SLC9A7: variants seen among roughly 807,000 people sequenced by gnomAD.
SLC9A7 encodes the protein sodium/hydrogen exchanger 7.
In SLC9A7, 19 loss-of-function variants were observed where a neutral mutation model predicts 52.6. The ratio of observed to expected loss-of-function variants is 0.36; its 90% CI spans 0.25 to 0.53. The LOEUF is 0.53. SLC9A7 is among the 20% of genes least tolerant of loss of function. SLC9A7 has a pLI of 0.91. For synonymous variants in SLC9A7, 226 were observed against 252.1 expected (o/e 0.90, Z 0.98); for missense variants, 455 against 597.9 (o/e 0.76, Z 2.49).
intron 1 of SLC9A7, among the ~76,000 whole-genome samples, chrX:46,704,307 G>C (rs1157677875): frequency 1.8e-5 from 2 of 112,341 alleles, no homozygotes; most frequent in African/African-American, 3.2e-5. Context: ...GATGTTTGCT[G>C]AAAGAATGAA....
At chrX:46,677,439 T>A (rs1458042042) in intron 3 of SLC9A7, among the ~76,000 whole-genome samples, 3 of 112,283 alleles carry the variant, frequency 2.7e-5, no homozygotes, top group Non-Finnish European at 5.6e-5. Context: ...CTTAGGATCA[T>A]AAATCAATCA....
Position 46,758,661 on chromosome X carries a change from G to T in SLC9A7, c.325+44C>A, listed in dbSNP as rs369908917. On this transcript the variant is annotated intron_variant, in intron 1 of 16. Transcript: ENST00000616978. The stretch of plus-strand genomic sequence containing the variant: ...CGCGCGGCGCCAGGAGGAGCGCGGC[G>T]GCCGAGGGGTGTGGAGGGCGGGGGG... The T allele has an allele frequency of 6.1e-4, 573 of 939,822 alleles. 4 individuals carry two copies. In the African/African-American group the frequency reaches 0.011, roughly 18 times the overall value. 77.5% of individuals were successfully genotyped at this position (939,822 alleles called of 1,213,427 possible).
At chrX:46,612,322 C>T (rs1031135384) in intron 16 of SLC9A7, among the ~76,000 whole-genome samples, 4 of 111,610 alleles carry the variant, frequency 3.6e-5, no homozygotes, top group African/African-American at 1.3e-4. Context: ...TCTGACCTCT[C>T]CTCTACTCCT....
chrX:46,726,027 T>C (rs1944939915), intron 1 of SLC9A7, among the ~76,000 whole-genome samples: 1 of 111,337 alleles, frequency 9.0e-6, no homozygotes, highest in Non-Finnish European at 1.9e-5. Flanking sequence ...GTGCCTCAAT[T>C]TTCTCATCAG....
At chrX:46,626,277 C>T (rs1421556661) in intron 14 of SLC9A7, among the ~76,000 whole-genome samples, 1 of 112,160 alleles carries the variant, frequency 8.9e-6, no homozygotes, top group Non-Finnish European at 1.9e-5. Flanking sequence ...GCCTGATATG[C>T]TTTTTTTCTT....
chrX:46,744,365 G>A (rs1331891223), intron 1 of SLC9A7, among the ~76,000 whole-genome samples: 1 of 112,560 alleles, frequency 8.9e-6, no homozygotes, highest in East Asian at 2.8e-4. Context: ...CTGGAACAAT[G>A]AAAGGAACAA....
chrX:46,651,645 T>C (rs1305409344), intron 8 of SLC9A7, among the ~76,000 whole-genome samples: 2 of 109,131 alleles, frequency 1.8e-5, no homozygotes, highest in African/African-American at 6.7e-5. Context: ...CTGGGAAACA[T>C]GGTAAAACCC....
intron 1 of SLC9A7, among the ~76,000 whole-genome samples, chrX:46,733,337 T>C (rs1327260063): frequency 8.9e-6 from 1 of 112,026 alleles, no homozygotes; most frequent in Non-Finnish European, 1.9e-5. Flanking sequence ...AATTTGTTGC[T>C]AGCAGATCTG....
At chrX:46,720,697 A>G (rs1944846889) in intron 1 of SLC9A7, among the ~76,000 whole-genome samples, 1 of 111,432 alleles carries the variant, frequency 9.0e-6, no homozygotes, top group Non-Finnish European at 1.9e-5. Context: ...TCAACTCCTC[A>G]GAATTCCCCA....
At chrX:46,655,452 T>C (rs895864378) in intron 7 of SLC9A7, among the ~76,000 whole-genome samples, 5 of 111,977 alleles carry the variant, frequency 4.5e-5, no homozygotes, top group Non-Finnish European at 7.5e-5. Flanking sequence ...CATTTCCATC[T>C]GAGGTACCGG....
intron 1 of SLC9A7, among the ~76,000 whole-genome samples, chrX:46,719,522 A>C (rs977055889): frequency 1.8e-5 from 2 of 112,202 alleles, no homozygotes; most frequent in Non-Finnish European, 3.8e-5. Context: ...TAATAAATAA[A>C]ATAAATAAAA....
chrX:46,626,726 G>A (rs73200263), intron 14 of SLC9A7, among the ~76,000 whole-genome samples: 24,373 of 111,092 alleles, frequency 0.22, 2,468 homozygotes, highest in Middle Eastern at 0.34. Flanking sequence ...GAGTTCTCAC[G>A]AGATCTGGTT....
chrX:46,675,773 G>A (rs1056383973), intron 3 of SLC9A7, among the ~76,000 whole-genome samples: 1 of 112,698 alleles, frequency 8.9e-6, no homozygotes, highest in South Asian at 3.7e-4. Context: ...GCCACACAGA[G>A]AGGCCAAGAA....
intron 5 of SLC9A7, among the ~76,000 whole-genome samples, chrX:46,668,973 C>G (rs1488625476): frequency 2.7e-5 from 3 of 110,379 alleles, no homozygotes; most frequent in East Asian, 2.9e-4. Context: ...CGAGACCATC[C>G]TGGCTAACAC....
intron 15 of SLC9A7, among the ~76,000 whole-genome samples, chrX:46,616,046 T>C (rs937954486): frequency 9.1e-6 from 1 of 109,519 alleles, no homozygotes; most frequent in African/African-American, 3.3e-5. Context: ...GCAGACTGGA[T>C]GCAGTGGCTC....
intron 11 of SLC9A7, chrX:46,647,005 A>T: frequency 3.0e-6 from 1 of 335,097 alleles, no homozygotes; most frequent in East Asian, 7.7e-5. Context: ...GCGCCTCCAG[A>T]TCTTTACCAT....
chrX:46,654,599 G>A (rs1943639713), intron 7 of SLC9A7, among the ~76,000 whole-genome samples: 1 of 110,884 alleles, frequency 9.0e-6, no homozygotes, highest in African/African-American at 3.3e-5. Context: ...GCAGGGCTGT[G>A]AAGACAAGGC....
At position 46,739,112 on chromosome X, in the gene SLC9A7, GT is replaced by G. The variant is rs1165783805; in HGVS notation, c.325+19592del. On this transcript the variant is annotated intron_variant, in intron 1 of 16. Transcript: ENST00000616978. The stretch of plus-strand genomic sequence containing the variant: ...AAGCTTACAAAATAGCTGATGTGAG[GT>G]TTTTTAACACATATGCTTAATATTT... 3.6e-5 allele frequency among the ~76,000 whole-genome samples: 4 copies of G among 111,669 alleles called. No homozygotes were observed. In the East Asian group the frequency reaches 1.1e-3, roughly 31 times the overall value.
At chrX:46,701,800 C>T (rs1302430140) in intron 1 of SLC9A7, among the ~76,000 whole-genome samples, 1 of 110,915 alleles carries the variant, frequency 9.0e-6, no homozygotes, top group Admixed American at 9.6e-5. Context: ...ATATAAGCTA[C>T]ATATACTATT....
Sources: allele counts gnomAD v4.1 joint callset (sites outside exome capture counted in the v4.1 genomes callset), GRCh38; gene constraint gnomAD v4.1.1; transcripts MANE v1.5; gene names NCBI Gene and HGNC (gene_info 2026-07-23, HGNC 2026-07-21).